The following CHD1L variants were observed in gnomAD, a reference collection of about 807,000 sequenced individuals.
CHD1L encodes ATP-dependent chromatin remodeler CHD1L.
In CHD1L, 118 loss-of-function variants were observed where a neutral mutation model predicts 115.9. That is an observed-to-expected ratio of 1.02 (90% CI 0.88 to 1.19). The LOEUF is 1.19. CHD1L is among the 50% of genes most tolerant of loss of function. The probability of loss-of-function intolerance (pLI) is 0.00; values close to 1 mark genes in which losing one functional copy is unlikely to be tolerated. For synonymous variants in CHD1L, 411 were observed against 387.1 expected, an observed-to-expected ratio of 1.06 and a Z score of -0.72; for missense variants, 1,179 against 1,065.3, an observed-to-expected ratio of 1.11 and a Z score of -1.49.
Position 147,289,710 on chromosome 1 carries a change from A to G in CHD1L, c.2321-1772A>G, listed in dbSNP as rs142129441. On this transcript the variant is annotated intron_variant, in intron 19 of 22. Transcript: ENST00000369258. ...GAGAGAAATGGCAAGAGGATCCCCA[A>G]CTGCTCATTACAACACTTACTATTC... 7.3e-3 allele frequency among the ~76,000 whole-genome samples: 1,110 copies of G among 152,326 alleles called. 8 individuals are homozygous for G. The highest frequency in any genetic ancestry group is 0.011 in the Non-Finnish European group (750 of 68,016).
At chr1:147,255,789 A>T (rs200147857) in intron 3 of CHD1L, 24 bp from the exon 4 acceptor site, 3 of 1,528,272 alleles carry the variant, frequency 2.0e-6, no homozygotes, top group Non-Finnish European at 2.7e-6. Flanking sequence ...ATTTATGTTT[A>T]TCTACTTCTT....
chr1:147,233,636 C>T, the CHD1L span, among the ~76,000 whole-genome samples: 24 of 152,100 alleles, frequency 1.6e-4, no homozygotes, highest in Admixed American at 8.5e-4. Flanking sequence ...ATGACAATGG[C>T]GGTTGTGGAA....
At chr1:147,291,854 C>T (rs1323582320) in intron 20 of CHD1L, among the ~76,000 whole-genome samples, 1 of 152,126 alleles carries the variant, frequency 6.6e-6, no homozygotes, top group Admixed American at 6.5e-5. Flanking sequence ...TCCAGATTTC[C>T]TTTCTTATAA....
chr1:147,291,970 G>T (rs1404468349), intron 20 of CHD1L, among the ~76,000 whole-genome samples: 1 of 151,872 alleles, frequency 6.6e-6, no homozygotes, highest in South Asian at 2.1e-4. Flanking sequence ...GGTACGGGGG[G>T]TTGGGGCTTC....
At chr1:147,292,623 T>C (rs1343401970) in intron 20 of CHD1L, among the ~76,000 whole-genome samples, 4 of 152,238 alleles carry the variant, frequency 2.6e-5, no homozygotes, top group Non-Finnish European at 4.4e-5. Context: ...GGAAGCCTGA[T>C]ACTGACATCT....
At chr1:147,187,102 G>A in the CHD1L span, 2 of 1,614,074 alleles carry the variant, frequency 1.2e-6, no homozygotes, top group Admixed American at 1.7e-5. Context: ...TGGAGTGCAG[G>A]GTCCCAGTAA....
At position 147,276,120 on chromosome 1, in the gene CHD1L, C is replaced by T. The variant is rs201774051; in HGVS notation, c.1402C>T (p.Arg468Trp). 3.5e-5 allele frequency: 57 copies of T among 1,613,846 alleles called. No individual in the cohort carries two copies. Among genetic ancestry groups the T allele is most frequent in the Non-Finnish European group, 3.2e-5 (38 of 1,179,918 alleles). ...IGQNKSVKVI[R>W]LIGRDTVEEI... is the part of the protein sequence containing the mutation. The stretch of plus-strand genomic sequence containing the variant: ...TATGTCCAGGTCTGTTAAAGTTATT[C>T]GGCTGATTGGTCGAGACACTGTGGA... Residue 468 changes from arginine (R) to tryptophan (W), a missense_variant, in exon 14 of 23, where the codon CGG becomes TGG. By Grantham distance (101) the Arg-to-Trp change is moderately radical. Transcript: ENST00000369258.
the CHD1L span, chr1:147,215,979 A>G: frequency 6.7e-7 from 1 of 1,495,086 alleles, no homozygotes. Flanking sequence ...CAACTTGAGG[A>G]TCATCTTCAT....
chr1:147,194,331 C>T, the CHD1L span, among the ~76,000 whole-genome samples: 1 of 151,984 alleles, frequency 6.6e-6, no homozygotes, highest in Admixed American at 6.6e-5. Flanking sequence ...GATTGCAACC[C>T]CTGCCTTTTT....
chr1:147,185,397 T>C, the CHD1L span, among the ~76,000 whole-genome samples: 1 of 152,152 alleles, frequency 6.6e-6, no homozygotes, highest in Non-Finnish European at 1.5e-5. Flanking sequence ...GCTTTTGATA[T>C]GCAGATTTAA....
chr1:147,172,882 C>G, the CHD1L span: 1 of 152,390 alleles, frequency 6.6e-6, no homozygotes, highest in Non-Finnish European at 1.5e-5. Context: ...CTCAGGTGCG[C>G]CAGCACGTTT....
intron 17 of CHD1L, 27 bp downstream of exon 17, chr1:147,285,514 G>A: frequency 1.3e-6 from 2 of 1,596,868 alleles, no homozygotes; most frequent in South Asian, 1.1e-5. Flanking sequence ...CAAGCTGGCG[G>A]CCACAGTTGA....
At chr1:147,202,153 T>G in the CHD1L span, among the ~76,000 whole-genome samples, 3 of 152,276 alleles carry the variant, frequency 2.0e-5, no homozygotes, top group South Asian at 2.1e-4. Flanking sequence ...TGAATTATCT[T>G]GGTATACTTC....
At chr1:147,215,752 A>G in the CHD1L span, 1 of 1,591,648 alleles carries the variant, frequency 6.3e-7, no homozygotes, top group East Asian at 2.2e-5. Context: ...ACAATTTTCT[A>G]CCTTAAATCG....
the CHD1L span, chr1:147,224,052 T>C: frequency 5.1e-6 from 2 of 395,554 alleles, no homozygotes; most frequent in South Asian, 3.8e-5. Context: ...ATCGAGCTGG[T>C]TGTCTTCCTG....
chr1:147,265,436 G>T (rs1275746798), intron 7 of CHD1L, among the ~76,000 whole-genome samples: 1 of 152,200 alleles, frequency 6.6e-6, no homozygotes, highest in Non-Finnish European at 1.5e-5. Flanking sequence ...CCTACAGGTA[G>T]TATAATTCTA....
intron 5 of CHD1L, among the ~76,000 whole-genome samples, chr1:147,258,526 C>T (rs903312703): frequency 2.0e-5 from 3 of 152,194 alleles, no homozygotes; most frequent in Non-Finnish European, 4.4e-5. Flanking sequence ...TGTTTCTTGT[C>T]ATCCTTAAAT....
At position 147,285,434 on chromosome 1, in the gene CHD1L, GA is replaced by G. The variant is rs782497157; in HGVS notation, c.1966del (p.Arg656AspfsTer3). On this transcript the variant is annotated frameshift_variant, in exon 17 of 23. Transcript: ENST00000369258. LOFTEE classifies it high-confidence loss of function. ...GACAAGAAGCAGCTGCCAAGAGAAG[GA>G]GACTCATAGAGGAGAAGAAGAGGCA... is the stretch of plus-strand genomic sequence containing the variant. Reference protein sequence around the residue: ...KRQEAAAKRRRLIEEKKRQKE... With the variant: ...KRQEAAAKRRXLIEEKKRQKE... 121 of 1,613,896 alleles carry G rather than the reference GA, an allele frequency of 7.5e-5. No homozygotes were observed. In the Admixed American group the frequency reaches 1.4e-3, roughly 19 times the overall value.
the CHD1L span, among the ~76,000 whole-genome samples, chr1:147,213,105 A>G: frequency 6.6e-6 from 1 of 152,160 alleles, no homozygotes; most frequent in African/African-American, 2.4e-5. Flanking sequence ...AACTAAATAG[A>G]CTGCAAATTT....
Sources: gnomAD v4.1 joint callset for allele counts (sites outside exome capture counted in the v4.1 genomes callset) on GRCh38, gnomAD v4.1.1 for gene constraint, MANE v1.5 for transcripts, NCBI Gene and HGNC (gene_info 2026-07-23, HGNC 2026-07-21) for gene names.